EAPP: variants seen among roughly 807,000 people sequenced by gnomAD.
The protein encoded by EAPP is E2F associated phosphoprotein.
In EAPP, 38 loss-of-function variants were observed where a neutral mutation model predicts 34.3. The observed-to-expected ratio is 1.11, with a 90% CI of 0.85 to 1.45. EAPP has a LOEUF of 1.45. Among genes scored for constraint, EAPP ranks in the 40% most tolerant of loss-of-function variants. EAPP has a pLI of 0.00. For synonymous variants in EAPP, 113 were observed against 117.6 expected, an observed-to-expected ratio of 0.96 and a Z score of 0.25; for missense variants, 338 against 343.7, an observed-to-expected ratio of 0.98 and a Z score of 0.13.
chr14:34,516,307 T>A lies in EAPP; in HGVS notation c.*3A>T. ...TTGGGTAATTAAATGCCAGTTGGGC[T>A]GTTTAGGAATGGCTTGCTAAAACAT... On this transcript the variant is annotated 3_prime_UTR_variant, in exon 6 of 6. Coordinates refer to ENST00000250454, the MANE Select transcript of EAPP (RefSeq NM_018453.4). The A allele has an allele frequency of 6.2e-7, 1 of 1,605,742 alleles. No individual in the cohort carries two copies. The highest frequency in any genetic ancestry group is 8.5e-7 in the Non-Finnish European group (1 of 1,175,464).
intron 3 of EAPP, among the ~76,000 whole-genome samples, chr14:34,530,904 CA>C (rs780101001): frequency 0.34 from 19,267 of 55,966 alleles, 704 homozygotes; most frequent in Non-Finnish European, 0.37. Flanking sequence ...CAATCTTTAC[CA>C]AAAAAAAAAA....
Position 34,539,395 on chromosome 14 carries a change from G to C in EAPP, c.74+160C>G, listed in dbSNP as rs1880584307. On this transcript the variant is annotated intron_variant, in intron 1 of 5. Transcript: ENST00000250454. ...GCACCGCCTCCCCCCGGGACTGCGC[G>C]ACCCCATCAGGAAAGCCCTTTGGCT... 3 of 779,454 alleles carry C rather than the reference G, an allele frequency of 3.8e-6. No individual in the cohort carries two copies. In the Admixed American group the frequency reaches 6.0e-5, roughly 16 times the overall value. The allele number at this position is 779,454 out of a possible 1,614,324, so 48.3% of individuals were successfully genotyped here.
intron 3 of EAPP, among the ~76,000 whole-genome samples, chr14:34,532,125 C>T (rs147493982): frequency 6.6e-6 from 1 of 150,578 alleles, no homozygotes; most frequent in East Asian, 2.0e-4. Flanking sequence ...CAATTTTGAA[C>T]ATAGAGGCTG....
At chr14:34,535,850 T>C in intron 2 of EAPP, 2 of 374,326 alleles carry the variant, frequency 5.3e-6, no homozygotes, top group Non-Finnish European at 9.4e-6. Context: ...TGAGCTATGA[T>C]CATGCCACTG....
intron 1 of EAPP, 79 bp downstream of exon 1, chr14:34,539,476 G>C (rs777049769): frequency 2.9e-5 from 43 of 1,474,172 alleles, no homozygotes; most frequent in Non-Finnish European, 4.0e-5. Context: ...GCGTAGGCTC[G>C]GCAGGCGCAA....
Position 34,539,596 on chromosome 14 carries a change from G to A in EAPP, c.33C>T (p.Tyr11=), listed in dbSNP as rs1203359307. The change falls in exon 1 of 6, where the codon TAC becomes TAT. Residue 11 remains tyrosine (Y), a synonymous_variant. Transcript: ENST00000250454. MNRLPDDYDP[Y]AVEEPSDEEP... is the part of the protein sequence containing the mutation. ...CCTCGTCGCTAGGCTCTTCAACCGC[G>A]TAGGGGTCGTAGTCATCCGGAAGCC... The A allele has an allele frequency of 1.3e-6, 2 of 1,590,264 alleles. No individual in the cohort carries two copies. Among genetic ancestry groups the A allele is most frequent in the Admixed American group, 1.7e-5 (1 of 57,586 alleles).
At chr14:34,520,583 C>G (rs1015225807) in intron 5 of EAPP, among the ~76,000 whole-genome samples, 2 of 152,128 alleles carry the variant, frequency 1.3e-5, no homozygotes, top group African/African-American at 2.4e-5. Context: ...CTCACTGCAA[C>G]CTGTGCCTCC....
At chr14:34,535,464 G>A (rs553548787) in intron 2 of EAPP, among the ~76,000 whole-genome samples, 18 of 126,852 alleles carry the variant, frequency 1.4e-4, no homozygotes, top group Admixed American at 6.4e-4. Flanking sequence ...ATGGAGTCTC[G>A]CTCTGTCGCT....
chr14:34,529,412 T>C lies in EAPP; in HGVS notation c.416A>G (p.Tyr139Cys). Residue 139 changes from tyrosine (Y) to cysteine (C), a missense_variant, in exon 4 of 6, where the codon TAT (tyrosine) becomes TGT (cysteine). Tyr to Cys is a radical substitution (Grantham distance 194). Coordinates refer to ENST00000250454, the MANE Select transcript of EAPP (RefSeq NM_018453.4). ...HKIPTNDELLYDPEKDNRDQA... is the reference protein window; with the variant it reads ...HKIPTNDELLCDPEKDNRDQA... ...ATCTCTGTTATCTTTTTCAGGATCATACAGTAATTCGTCATTTGTTGGAAT... is the reference window on the plus strand; with the variant it reads ...ATCTCTGTTATCTTTTTCAGGATCACACAGTAATTCGTCATTTGTTGGAAT... The C allele has an allele frequency of 1.9e-6, 3 of 1,613,734 alleles. No homozygotes were observed. Among genetic ancestry groups the C allele is most frequent in the Non-Finnish European group, 1.7e-6 (2 of 1,179,928 alleles).
chr14:34,526,571 A>T (rs1175227772), intron 4 of EAPP, among the ~76,000 whole-genome samples: 2 of 151,644 alleles, frequency 1.3e-5, no homozygotes, highest in African/African-American at 4.8e-5. Context: ...AAGAAAATAA[A>T]AAAAAAAATG....
At chr14:34,534,384 A>G (rs779751212) in intron 2 of EAPP, among the ~76,000 whole-genome samples, 6 of 152,046 alleles carry the variant, frequency 3.9e-5, no homozygotes, top group Non-Finnish European at 8.8e-5. Context: ...CACCCACCTC[A>G]GCCTCCCAAA....
At chr14:34,517,308 G>C (rs1879772392) in intron 5 of EAPP, among the ~76,000 whole-genome samples, 1 of 149,348 alleles carries the variant, frequency 6.7e-6, no homozygotes, top group Non-Finnish European at 1.5e-5. Flanking sequence ...GAGTGCAATG[G>C]CGTGATCTCA....
chr14:34,524,196 C>T (rs1880015877), intron 5 of EAPP, among the ~76,000 whole-genome samples: 1 of 152,124 alleles, frequency 6.6e-6, no homozygotes, highest in Non-Finnish European at 1.5e-5. Flanking sequence ...TCAAGATCAG[C>T]CTGGCCAAGA....
chr14:34,536,247 G>A lies in EAPP; in HGVS notation c.103C>T (p.His35Tyr). The A allele has an allele frequency of 6.2e-7, 1 of 1,610,668 alleles. No homozygotes were observed. The highest frequency in any genetic ancestry group is 8.5e-7 in the Non-Finnish European group (1 of 1,178,998). ...TTTCGTTTTTGGTCAGGAGTTCCAT[G>A]TAAAAGCACATCCACTTCATCCTCA... ...SSEDEVDVLL[H>Y]GTPDQKRKLI... The change falls in exon 2 of 6, where the codon CAT (histidine) becomes TAT (tyrosine). Residue 35 changes from histidine (H) to tyrosine (Y), a missense_variant. Coordinates refer to ENST00000250454, the MANE Select transcript of EAPP (RefSeq NM_018453.4).
At chr14:34,519,889 T>C (rs182068627) in intron 5 of EAPP, among the ~76,000 whole-genome samples, 10 of 150,194 alleles carry the variant, frequency 6.7e-5, no homozygotes, top group Admixed American at 5.3e-4. Flanking sequence ...TCTTTTCTTT[T>C]TTTTTTTTTT....
chr14:34,531,377 C>T (rs751976205), intron 3 of EAPP, among the ~76,000 whole-genome samples: 19 of 151,882 alleles, frequency 1.3e-4, no homozygotes, highest in African/African-American at 3.9e-4. Flanking sequence ...CTGAGGCGGG[C>T]GGATCACGAG....
intron 3 of EAPP, 52 bp from the exon 4 acceptor site, chr14:34,529,527 C>T (rs780669376): frequency 1.6e-6 from 2 of 1,257,114 alleles, no homozygotes; most frequent in Admixed American, 3.8e-5. Context: ...CAAGTTCACA[C>T]TTCTTTAAAT....
chr14:34,519,866 T>C (rs1879856492), intron 5 of EAPP, among the ~76,000 whole-genome samples: 2 of 150,962 alleles, frequency 1.3e-5, no homozygotes, highest in Admixed American at 6.6e-5. Context: ...CTTACAGTTA[T>C]AACAAGGTTC....
intron 4 of EAPP, among the ~76,000 whole-genome samples, chr14:34,527,664 T>C (rs1880139792): frequency 6.6e-6 from 1 of 152,162 alleles, no homozygotes; most frequent in African/African-American, 2.4e-5. Flanking sequence ...AAAATGTAGA[T>C]GAACTTCAAA....
Sources: allele counts gnomAD v4.1 joint callset (sites outside exome capture counted in the v4.1 genomes callset), GRCh38; gene constraint gnomAD v4.1.1; transcripts MANE v1.5; gene names NCBI Gene and HGNC (gene_info 2026-07-23, HGNC 2026-07-21).